Variants in PLCG1 observed in about 807,000 individuals in gnomAD.
PLCG1 encodes the protein phospholipase C gamma 1, also known as 1-phosphatidylinositol 4,5-bisphosphate phosphodiesterase gamma-1.
A neutral mutation model predicts 177.8 loss-of-function variants in PLCG1; 71 were observed. The observed-to-expected ratio is 0.40, with a 90% confidence interval of 0.33 to 0.49. The LOEUF (loss-of-function observed/expected upper bound fraction) is 0.49, where lower values mean the gene tolerates loss of function less well. Ranked by LOEUF, PLCG1 falls within the 20% of genes least tolerant of loss-of-function variation. The pLI, the probability that PLCG1 is intolerant of heterozygous loss-of-function variation, is 0.72. For missense variants in PLCG1, 1,281 were observed against 1,709.0 expected (o/e 0.75, Z 4.42); for synonymous variants, 658 against 647.9 (o/e 1.02, Z -0.24).
chr20:41,140,270 G>A (rs2034778444), intron 1 of PLCG1, among the ~76,000 whole-genome samples: 2 of 152,220 alleles, frequency 1.3e-5, no homozygotes, highest in African/African-American at 4.8e-5. Context: ...ATGCTTGTGT[G>A]TTCAGACTTA....
rs2035455119 is a variant in PLCG1 at position 41,160,295 on chromosome 20, C to T, written c.512+142C>T. On this transcript the variant is annotated intron_variant, in intron 4 of 31. Transcript: ENST00000685551. The surrounding 1 kb of genome is among the most constrained non-coding windows in gnomAD (Gnocchi z 5.5). Reference sequence around the variant, plus strand: ...CCAGGAGGGTGGGCAGAAGGTTCTGCCACGTGTAGCTTTCTGCACAAAGTC... The same window carrying T: ...CCAGGAGGGTGGGCAGAAGGTTCTGTCACGTGTAGCTTTCTGCACAAAGTC... 6 of 736,186 alleles carry T rather than the reference C, an allele frequency of 8.2e-6. No homozygotes were observed. Among genetic ancestry groups the T allele is most frequent in the Admixed American group, 4.1e-5 (2 of 49,040 alleles). The allele number at this position is 736,186 out of a possible 1,614,324, so 45.6% of individuals were successfully genotyped here.
chr20:41,170,517 T>C (rs952272853), intron 24 of PLCG1: 3 of 482,636 alleles, frequency 6.2e-6, no homozygotes, highest in Non-Finnish European at 1.1e-5. Context: ...TAGTGGGCAA[T>C]TGGATACACA....
At chr20:41,162,211 GT>G (rs199840221) in intron 4 of PLCG1, among the ~76,000 whole-genome samples, 3 of 137,826 alleles carry the variant, frequency 2.2e-5, no homozygotes, top group African/African-American at 2.7e-5. Flanking sequence ...AGAATTACAG[GT>G]TTTTTTTGTT....
Position 41,172,979 on chromosome 20 carries a change from G to A in PLCG1, c.3279+102G>A. On this transcript the variant is annotated intron_variant, in intron 27 of 31. Coordinates refer to ENST00000685551, the MANE Select transcript of PLCG1 (RefSeq NM_002660.3). This position sits in a 1 kb window ranked among gnomAD's most constrained non-coding sequence, Gnocchi z 7.0. Reference sequence around the variant, plus strand: ...AAAAGTAGGTATTTTCAGGCATCAAGGTGGTCAGGGTGGGTGGGGCCTGAG... The same window carrying A: ...AAAAGTAGGTATTTTCAGGCATCAAAGTGGTCAGGGTGGGTGGGGCCTGAG... 1 of 1,250,606 alleles carries A rather than the reference G, an allele frequency of 8.0e-7. No homozygotes were observed. The highest frequency in any genetic ancestry group is 2.5e-5 in the East Asian group (1 of 39,664). 77.5% of individuals were successfully genotyped at this position (1,250,606 alleles called of 1,614,324 possible). A position where few individuals can be genotyped will look rare whatever the true frequency, so the allele number is the denominator to read the frequency against.
Position 41,175,909 on chromosome 20 carries a change from C to T in PLCG1, c.*1400C>T, listed in dbSNP as rs535246280. The stretch of plus-strand genomic sequence containing the variant: ...ACAGGAGTTGTGGGTCCACTCTCTC[C>T]TGCCCACCCTCTGAGGGTGTGTCTG... On this transcript the variant is annotated 3_prime_UTR_variant, in exon 32 of 32. Coordinates refer to ENST00000685551, the MANE Select transcript of PLCG1 (RefSeq NM_002660.3). 10 of 152,500 alleles carry T rather than the reference C, an allele frequency of 6.6e-5. No homozygotes were observed. Among genetic ancestry groups the T allele is most frequent in the African/African-American group, 2.4e-4 (10 of 41,578 alleles). The allele number at this position is 152,500 out of a possible 1,614,324, so 9.4% of individuals were successfully genotyped here.
chr20:41,150,170 AC>A lies in PLCG1; in HGVS notation c.218-9435del, dbSNP rs935670080. 3.9e-5 allele frequency among the ~76,000 whole-genome samples: 6 copies of A among 152,184 alleles called. No individual in the cohort carries two copies. In the South Asian group the frequency reaches 1.2e-3, roughly 32 times the overall value. ...GTGCCACTGCACTCCAGCCTGGACA[AC>A]AGAGTGACTTATGGGCCAGGCATGG... On this transcript the variant is annotated intron_variant, in intron 1 of 31. Transcript: ENST00000685551. The surrounding 1 kb of genome is among the most constrained non-coding windows in gnomAD (Gnocchi z 4.0).
Position 41,174,035 on chromosome 20 carries a change from G to T in PLCG1, c.3645+24G>T, listed in dbSNP as rs745368373. On this transcript the variant is annotated intron_variant, in intron 30 of 31. Transcript: ENST00000685551. The surrounding 1 kb of genome is among the most constrained non-coding windows in gnomAD (Gnocchi z 5.8). Reference sequence around the variant, plus strand: ...AGGTATCTGCAGCAGGGGTGGGCTGGCCTGGGGTAGGTGGGAGGAGAGCCA... The same window carrying T: ...AGGTATCTGCAGCAGGGGTGGGCTGTCCTGGGGTAGGTGGGAGGAGAGCCA... 2.5e-6 allele frequency: 4 copies of T among 1,610,912 alleles called. No individual in the cohort carries two copies. Among genetic ancestry groups the T allele is most frequent in the Non-Finnish European group, 3.4e-6 (4 of 1,177,464 alleles).
Position 41,159,601 on chromosome 20 carries a change from C to T in PLCG1, c.218-5C>T. The T allele has an allele frequency of 6.2e-7, 1 of 1,613,784 alleles. No individual in the cohort carries two copies. Among genetic ancestry groups the T allele is most frequent in the Non-Finnish European group, 8.5e-7 (1 of 1,179,916 alleles). ...TTGATCTTGGCCTCTTTGCTACCTTCCTAGTTGACATTCGTGAAATTAAGG... is the reference window on the plus strand; with the variant it reads ...TTGATCTTGGCCTCTTTGCTACCTTTCTAGTTGACATTCGTGAAATTAAGG... On this transcript the variant is annotated splice_region_variant and splice_polypyrimidine_tract_variant and intron_variant, in intron 1 of 31. Coordinates refer to ENST00000685551, the MANE Select transcript of PLCG1 (RefSeq NM_002660.3). The surrounding 1 kb of genome is among the most constrained non-coding windows in gnomAD (Gnocchi z 6.0).
chr20:41,138,218 C>T (rs937693850), intron 1 of PLCG1, among the ~76,000 whole-genome samples: 1 of 152,114 alleles, frequency 6.6e-6, no homozygotes, highest in Admixed American at 6.5e-5. Context: ...GTGGCCCCCA[C>T]CCTGCACGGG....
chr20:41,153,139 ATTTTAAAGAGACCTTTCATATT>A lies in PLCG1; in HGVS notation c.218-6465_218-6444del, dbSNP rs1280355188. Among the ~76,000 whole-genome samples, 2 of 152,300 alleles carry A rather than the reference ATTTTAAAGAGACCTTTCATATT, an allele frequency of 1.3e-5. No individual in the cohort carries two copies. Among genetic ancestry groups the A allele is most frequent in the South Asian group, 2.1e-4 (1 of 4,824 alleles). On this transcript the variant is annotated intron_variant, in intron 1 of 31. Coordinates refer to ENST00000685551, the MANE Select transcript of PLCG1 (RefSeq NM_002660.3). The surrounding 1 kb of genome is among the most constrained non-coding windows in gnomAD (Gnocchi z 5.1). ...CGCTTACCTCTTTCAAGCTCTTTAGATTTTAAAGAGACCTTTCATATTTACTATGAGTTGCAGTTTTTTTAAG... is the reference window on the plus strand; with the variant it reads ...CGCTTACCTCTTTCAAGCTCTTTAGATACTATGAGTTGCAGTTTTTTTAAG...
chr20:41,172,505 G>C lies in PLCG1; in HGVS notation c.2990G>C (p.Gly997Ala). Residue 997 changes from glycine (G) to alanine (A), a missense_variant, in exon 26 of 32, where the codon GGC (glycine) becomes GCC (alanine). Transcript: ENST00000685551. This position sits in a 1 kb window ranked among gnomAD's most constrained non-coding sequence, Gnocchi z 7.0. ...KAEKYVNKAK[G>A]KKFLQYNRLQ... Reference sequence around the variant, plus strand: ...GAGAAATACGTGAACAAGGCCAAAGGCAAGAAGTTCCTTCAGTACAATCGA... The same window carrying C: ...GAGAAATACGTGAACAAGGCCAAAGCCAAGAAGTTCCTTCAGTACAATCGA... 6.2e-7 allele frequency: 1 copy of C among 1,614,170 alleles called. No homozygotes were observed. The highest frequency in any genetic ancestry group is 8.5e-7 in the Non-Finnish European group (1 of 1,180,004).
At position 41,173,242 on chromosome 20, in the gene PLCG1, A is replaced by G. The variant is rs1057449307; in HGVS notation, c.3280-178A>G. Among the ~76,000 whole-genome samples the G allele has an allele frequency of 2.6e-5, 4 of 152,190 alleles. No homozygotes were observed. The highest frequency in any genetic ancestry group is 1.3e-4 in the Admixed American group (2 of 15,286). ...CTCAGACTTCAGATAAACTACAGGCAGCAGCTGCTCTGGACAGCTTAGGGT... is the reference window on the plus strand; with the variant it reads ...CTCAGACTTCAGATAAACTACAGGCGGCAGCTGCTCTGGACAGCTTAGGGT... On this transcript the variant is annotated intron_variant, in intron 27 of 31. Transcript: ENST00000685551. This position sits in a 1 kb window ranked among gnomAD's most constrained non-coding sequence, Gnocchi z 6.2.
Position 41,163,671 on chromosome 20 carries a change from G to A in PLCG1, c.892-44G>A, listed in dbSNP as rs1276653358. Reference sequence around the variant, plus strand: ...CAACCTACCATCTTGGGTTGGACAGGGCAGGGACTCACTGTCTCTTCCCTT... The same window carrying A: ...CAACCTACCATCTTGGGTTGGACAGAGCAGGGACTCACTGTCTCTTCCCTT... On this transcript the variant is annotated intron_variant, in intron 9 of 31. Transcript: ENST00000685551. This position sits in a 1 kb window ranked among gnomAD's most constrained non-coding sequence, Gnocchi z 5.2. 7.3e-7 allele frequency: 1 copy of A among 1,377,900 alleles called. No homozygotes were observed. The highest frequency in any genetic ancestry group is 2.3e-5 in the East Asian group (1 of 43,838). The allele number at this position is 1,377,900 out of a possible 1,614,324, so 85.4% of individuals were successfully genotyped here.
At position 41,153,566 on chromosome 20, in the gene PLCG1, G is replaced by A. The variant is rs1381256948; in HGVS notation, c.218-6040G>A. Among the ~76,000 whole-genome samples the A allele has an allele frequency of 6.6e-6, 1 of 152,132 alleles. No homozygotes were observed. Among genetic ancestry groups the A allele is most frequent in the Non-Finnish European group, 1.5e-5 (1 of 68,036 alleles). On this transcript the variant is annotated intron_variant, in intron 1 of 31. Coordinates refer to ENST00000685551, the MANE Select transcript of PLCG1 (RefSeq NM_002660.3). The surrounding 1 kb of genome is among the most constrained non-coding windows in gnomAD (Gnocchi z 5.1). ...CTCTTGCCTCAGCCTTCTAAAGTGA[G>A]CGTATGCACTTTATAAAGGGAAAAC...
At position 41,162,459 on chromosome 20, in the gene PLCG1, G is replaced by T; in HGVS notation, c.520G>T (p.Ala174Ser). The change falls in exon 5 of 32, where the codon GCC (alanine) becomes TCC (serine). Residue 174 changes from alanine (A) to serine (S), a missense_variant. Physicochemically the swap from Ala to Ser is moderately conservative, Grantham distance 99. Transcript: ENST00000685551. ...VDRNREDRIS[A>S]KDLKNMLSQV... ...ATGTCCCTGTTTTCTCAGTATATCAGCCAAGGACCTGAAGAACATGCTGTC... is the reference window on the plus strand; with the variant it reads ...ATGTCCCTGTTTTCTCAGTATATCATCCAAGGACCTGAAGAACATGCTGTC... The T allele has an allele frequency of 6.2e-7, 1 of 1,613,444 alleles. No individual in the cohort carries two copies. Among genetic ancestry groups the T allele is most frequent in the South Asian group, 1.1e-5 (1 of 91,040 alleles).
Position 41,164,985 on chromosome 20 carries a change from A to G in PLCG1, c.1270A>G (p.Asn424Asp), listed in dbSNP as rs372179838. ...CCACTGCAGCATTGCCCAGCAGAGAAACATGGCCCAATACTTCAAGAAGGT... is the reference window on the plus strand; with the variant it reads ...CCACTGCAGCATTGCCCAGCAGAGAGACATGGCCCAATACTTCAAGAAGGT... ...EDHCSIAQQR[N>D]MAQYFKKVLG... Residue 424 changes from asparagine to aspartate, a missense_variant, in exon 13 of 32, where the codon AAC (asparagine) becomes GAC (aspartate). Transcript: ENST00000685551. The surrounding 1 kb of genome is among the most constrained non-coding windows in gnomAD (Gnocchi z 6.4). 6.2e-7 allele frequency: 1 copy of G among 1,614,234 alleles called. No individual in the cohort carries two copies. Among genetic ancestry groups the G allele is most frequent in the Non-Finnish European group, 8.5e-7 (1 of 1,180,034 alleles).
In PLCG1 at chr20:41,173,239, G is replaced by C. The variant is rs2035958557; in HGVS notation, c.3280-181G>C. Among the ~76,000 whole-genome samples the C allele has an allele frequency of 6.6e-6, 1 of 152,112 alleles. No individual in the cohort carries two copies. Reference sequence around the variant, plus strand: ...AAGCTCAGACTTCAGATAAACTACAGGCAGCAGCTGCTCTGGACAGCTTAG... The same window carrying C: ...AAGCTCAGACTTCAGATAAACTACACGCAGCAGCTGCTCTGGACAGCTTAG... On this transcript the variant is annotated intron_variant, in intron 27 of 31. Coordinates refer to ENST00000685551, the MANE Select transcript of PLCG1 (RefSeq NM_002660.3). The surrounding 1 kb of genome is among the most constrained non-coding windows in gnomAD (Gnocchi z 6.2).
rs2035354444 is a variant in PLCG1 at position 41,157,251 on chromosome 20, C to T, written c.218-2355C>T. Among the ~76,000 whole-genome samples, 1 of 130,076 alleles carries T rather than the reference C, an allele frequency of 7.7e-6. No individual in the cohort carries two copies. Among genetic ancestry groups the T allele is most frequent in the African/African-American group, 3.6e-5 (1 of 27,570 alleles). 85.3% of individuals were successfully genotyped at this position (130,076 alleles called of 152,430 possible). A position where few individuals can be genotyped will look rare whatever the true frequency, so the allele number is the denominator to read the frequency against. The stretch of plus-strand genomic sequence containing the variant: ...GTGTGTGTGTGTGTGTACAGTCACA[C>T]TCACCTTTGCAAGAAGGTGTGGGAG... On this transcript the variant is annotated intron_variant, in intron 1 of 31. Coordinates refer to ENST00000685551, the MANE Select transcript of PLCG1 (RefSeq NM_002660.3). This position sits in a 1 kb window ranked among gnomAD's most constrained non-coding sequence, Gnocchi z 5.4.
At chr20:41,169,917 A>G (rs982561659) in intron 23 of PLCG1, among the ~76,000 whole-genome samples, 195 bp from the exon 24 acceptor site, 2 of 152,190 alleles carry the variant, frequency 1.3e-5, no homozygotes, top group Admixed American at 6.5e-5. Flanking sequence ...CTCCACCACA[A>G]CCAGCAGTGA....
Sources: allele counts gnomAD v4.1 joint callset (sites outside exome capture counted in the v4.1 genomes callset), GRCh38; gene constraint gnomAD v4.1.1; non-coding constraint Gnocchi (gnomAD v3.1); transcripts MANE v1.5; gene names NCBI Gene and HGNC (gene_info 2026-07-23, HGNC 2026-07-21).